Variants in HECW2 observed in about 807,000 individuals in gnomAD.
The protein encoded by HECW2 is E3 ubiquitin-protein ligase HECW2.
Under a neutral mutation model 175.2 loss-of-function variants are expected in HECW2, and 61 were observed. The ratio of observed to expected loss-of-function variants is 0.35; its 90% CI spans 0.28 to 0.43. The LOEUF (loss-of-function observed/expected upper bound fraction) is 0.43. HECW2 is among the 20% of genes least tolerant of loss of function. The pLI, the probability that HECW2 is intolerant of heterozygous loss-of-function variation, is 1.00. For missense variants in HECW2, 1,524 were observed against 2,000.5 expected (o/e 0.76, Z 4.54); for synonymous variants, 671 against 731.0 (o/e 0.92, Z 1.32).
intron 1 of HECW2, among the ~76,000 whole-genome samples, chr2:196,580,624 T>G (rs570209703): frequency 1.4e-5 from 2 of 142,740 alleles, no homozygotes; most frequent in Non-Finnish European, 3.1e-5. Flanking sequence ...AAAACCTTAA[T>G]GAAACACAAC....
chr2:196,515,924 A>T (rs1201105681), intron 1 of HECW2, among the ~76,000 whole-genome samples: 1 of 151,544 alleles, frequency 6.6e-6, no homozygotes, highest in Non-Finnish European at 1.5e-5. Flanking sequence ...AGGAGTTTGA[A>T]ACCAGGCTAG....
At position 196,468,399 on chromosome 2, in the gene HECW2, C is replaced by T. The variant is rs540792193; in HGVS notation, c.-35-34941G>A. Among the ~76,000 whole-genome samples the T allele has an allele frequency of 8.5e-5, 13 of 152,308 alleles. No homozygotes were observed. The South Asian group carries it at 2.7e-3, about 32-fold the overall frequency. On this transcript the variant is annotated intron_variant, in intron 1 of 28. Transcript: ENST00000644978. Reference sequence around the variant, plus strand: ...TGGAGTATGTACAATATTGTCAACACCCACCCACCCCTACGCTTCAGTTAC... The same window carrying T: ...TGGAGTATGTACAATATTGTCAACATCCACCCACCCCTACGCTTCAGTTAC...
At chr2:196,572,626 C>G (rs1440912329) in intron 1 of HECW2, among the ~76,000 whole-genome samples, 2 of 152,152 alleles carry the variant, frequency 1.3e-5, no homozygotes, top group Non-Finnish European at 2.9e-5. Flanking sequence ...AATGTTTGTG[C>G]TTGCCCCCTC....
At chr2:196,217,915 A>T (rs1317848897) in intron 26 of HECW2, 1 of 152,246 alleles carries the variant, frequency 6.6e-6, no homozygotes, top group African/African-American at 2.4e-5. Flanking sequence ...AGGCGGGTAG[A>T]AATTATTTTA....
intron 1 of HECW2, 31 bp from the exon 2 acceptor site, chr2:196,433,489 G>A: frequency 6.7e-7 from 1 of 1,503,708 alleles, no homozygotes; most frequent in South Asian, 1.3e-5. Context: ...TAAAACATTA[G>A]TGCTACAATA....
chr2:196,561,273 G>A lies in HECW2; in HGVS notation c.-36+32235C>T, dbSNP rs898525078. On this transcript the variant is annotated intron_variant, in intron 1 of 28. Transcript: ENST00000644978. ...ACACGCCCTGGCCTCCTGCAGTGCCGCCAGGCTTGCTAGGATTAGGAAATT... is the reference window on the plus strand; with the variant it reads ...ACACGCCCTGGCCTCCTGCAGTGCCACCAGGCTTGCTAGGATTAGGAAATT... Among the ~76,000 whole-genome samples the A allele has an allele frequency of 7.2e-5, 11 of 152,324 alleles. No homozygotes were observed. In the Middle Eastern group the frequency reaches 0.01, roughly 141 times the overall value.
chr2:196,228,682 C>T (rs1687940987), intron 21 of HECW2, among the ~76,000 whole-genome samples: 1 of 152,134 alleles, frequency 6.6e-6, no homozygotes, highest in Admixed American at 6.5e-5. Context: ...GCTCACAGGA[C>T]ATGGAGTCCT....
At chr2:196,565,541 T>C (rs1224511575) in intron 1 of HECW2, among the ~76,000 whole-genome samples, 1 of 152,194 alleles carries the variant, frequency 6.6e-6, no homozygotes, top group Non-Finnish European at 1.5e-5. Context: ...TTCTAGTGGA[T>C]ACAGACTGCT....
chr2:196,412,833 C>G (rs1466504820), intron 2 of HECW2, among the ~76,000 whole-genome samples: 1 of 152,128 alleles, frequency 6.6e-6, no homozygotes, highest in Non-Finnish European at 1.5e-5. Flanking sequence ...AAAATACTGC[C>G]CATGAATCAT....
intron 1 of HECW2, among the ~76,000 whole-genome samples, chr2:196,576,814 T>C (rs1690577777): frequency 6.6e-6 from 1 of 152,214 alleles, no homozygotes; most frequent in African/African-American, 2.4e-5. Flanking sequence ...TTATACACAT[T>C]ATAAATATAT....
At chr2:196,456,043 T>G (rs2125315866) in intron 1 of HECW2, among the ~76,000 whole-genome samples, 1 of 152,172 alleles carries the variant, frequency 6.6e-6, no homozygotes. Flanking sequence ...CATACCCCTA[T>G]ACTCCCACAC....
At chr2:196,454,275 A>ATATC (rs1312703680) in intron 1 of HECW2, among the ~76,000 whole-genome samples, 2 of 152,216 alleles carry the variant, frequency 1.3e-5, no homozygotes, top group African/African-American at 4.8e-5. Flanking sequence ...TTGATGTATA[A>ATATC]ATAAGGTGAA....
chr2:196,331,381 G>T, intron 4 of HECW2: 1 of 631,046 alleles, frequency 1.6e-6, no homozygotes, highest in African/African-American at 2.0e-5. Flanking sequence ...ACACTACGCT[G>T]GACTATGACT....
At chr2:196,229,838 T>C (rs1687985235) in intron 21 of HECW2, among the ~76,000 whole-genome samples, 1 of 152,256 alleles carries the variant, frequency 6.6e-6, no homozygotes, top group South Asian at 2.1e-4. Flanking sequence ...TGCTTTTTAA[T>C]AGAACTTTGT....
At chr2:196,248,694 G>C (rs768262958) in intron 19 of HECW2, among the ~76,000 whole-genome samples, 6 of 145,726 alleles carry the variant, frequency 4.1e-5, no homozygotes, top group Non-Finnish European at 6.0e-5. Flanking sequence ...AATGAGCAGA[G>C]AAGAGGAACT....
intron 1 of HECW2, among the ~76,000 whole-genome samples, chr2:196,475,542 G>A (rs894439138): frequency 6.6e-6 from 1 of 151,986 alleles, no homozygotes; most frequent in African/African-American, 2.4e-5. Flanking sequence ...TCTTTTTCCC[G>A]ATTTCTAACC....
At chr2:196,550,165 G>A (rs893430294) in intron 1 of HECW2, among the ~76,000 whole-genome samples, 3 of 152,132 alleles carry the variant, frequency 2.0e-5, no homozygotes, top group Non-Finnish European at 4.4e-5. Flanking sequence ...ACACTAGTTT[G>A]GTTAACTTAT....
intron 1 of HECW2, among the ~76,000 whole-genome samples, chr2:196,534,981 T>C (rs541852828): frequency 2.0e-5 from 3 of 151,712 alleles, no homozygotes; most frequent in African/African-American, 7.3e-5. Context: ...CCAACTAATC[T>C]ATGTCCCCTT....
In HECW2 at chr2:196,512,080, G is replaced by A. The variant is rs75623099; in HGVS notation, c.-35-78622C>T. ...ACAAGGCCGAGCAGGTGAAGAAAAT[G>A]AATGAAGACATATGTATGCACACTC... On this transcript the variant is annotated intron_variant, in intron 1 of 28. Transcript: ENST00000644978. 3.6e-3 allele frequency among the ~76,000 whole-genome samples: 554 copies of A among 152,306 alleles called. 6 individuals carry two copies. The highest frequency in any genetic ancestry group is 0.012 in the African/African-American group (513 of 41,572).
Sources: allele counts gnomAD v4.1 joint callset (sites outside exome capture counted in the v4.1 genomes callset), GRCh38; gene constraint gnomAD v4.1.1; transcripts MANE v1.5; gene names NCBI Gene and HGNC (gene_info 2026-07-23, HGNC 2026-07-21).